The following EGLN2 variants were observed in gnomAD, a reference collection of about 807,000 sequenced individuals.
EGLN2 encodes prolyl hydroxylase EGLN2.
In EGLN2, 15 loss-of-function variants were observed where a neutral mutation model predicts 38.2. That is an observed-to-expected ratio of 0.39 (90% CI 0.26 to 0.60). EGLN2 has a LOEUF of 0.60. EGLN2 is among the 20% of genes least tolerant of loss of function. The probability of loss-of-function intolerance (pLI) is 0.50; values close to 1 mark genes in which losing one functional copy is unlikely to be tolerated. For synonymous variants in EGLN2, 284 were observed against 237.4 expected, an observed-to-expected ratio of 1.20 and a Z score of -1.81; for missense variants, 492 against 570.4, an observed-to-expected ratio of 0.86 and a Z score of 1.40.
intron 3 of EGLN2, 76 bp from the exon 4 acceptor site, chr19:40,807,062 G>A (rs2083308971): frequency 6.3e-7 from 1 of 1,592,764 alleles, no homozygotes; most frequent in Non-Finnish European, 8.6e-7. Context: ...GCGCCTCCTA[G>A]TGGGCTCCCG....
At chr19:40,804,069 T>G (rs909641109) in intron 2 of EGLN2, 32 of 152,436 alleles carry the variant, frequency 2.1e-4, no homozygotes, top group African/African-American at 7.7e-4. Flanking sequence ...AGGTTCCTGT[T>G]TCTGTGTGAG....
Position 40,808,012 on chromosome 19 carries a change from G to A in EGLN2, c.*148G>A, listed in dbSNP as rs533067495. 2.6e-5 allele frequency: 20 copies of A among 760,434 alleles called. No individual in the cohort carries two copies. The highest frequency in any genetic ancestry group is 2.0e-4 in the South Asian group (12 of 58,546). The allele number at this position is 760,434 out of a possible 1,614,324, so 47.1% of individuals were successfully genotyped here. A position where few individuals can be genotyped will look rare whatever the true frequency, so the allele number is the denominator to read the frequency against. ...GTGGAGGGCTCTGTCTGTTGCTGAG[G>A]ACCAAGGAGGAGAAGAGACCTTTGC... On this transcript the variant is annotated 3_prime_UTR_variant, in exon 6 of 6. Transcript: ENST00000303961.
rs146599486 is a variant in EGLN2 at position 40,804,317 on chromosome 19, C to T, written c.844-2238C>T. 1,325 of 152,444 alleles carry T rather than the reference C, an allele frequency of 8.7e-3. 12 individuals carry two copies. Among genetic ancestry groups the T allele is most frequent in the Middle Eastern group, 0.017 (5 of 294 alleles). The allele number at this position is 152,444 out of a possible 1,614,324, so 9.4% of individuals were successfully genotyped here. ...GCTAGGAGTGGAACGGACAATCAGCCGGAGTACTCAAGGTGACCCTTGGTC... is the reference window on the plus strand; with the variant it reads ...GCTAGGAGTGGAACGGACAATCAGCTGGAGTACTCAAGGTGACCCTTGGTC... On this transcript the variant is annotated intron_variant, in intron 2 of 5. Transcript: ENST00000303961.
At chr19:40,803,490 A>G (rs753754956) in intron 2 of EGLN2, among the ~76,000 whole-genome samples, 2 of 151,980 alleles carry the variant, frequency 1.3e-5, no homozygotes, top group Non-Finnish European at 2.9e-5. Flanking sequence ...CCGCTTTTAG[A>G]TGGGCCCCAT....
chr19:40,799,336 G>A (rs1224714506), intron 1 of EGLN2, 74 bp downstream of exon 1: 1 of 137,598 alleles, frequency 7.3e-6, no homozygotes, highest in Non-Finnish European at 1.6e-5. Context: ...CGAACCGGGC[G>A]GGGTGTGGGG....
Position 40,800,508 on chromosome 19 carries a change from G to A in EGLN2, c.-65G>A. The A allele has an allele frequency of 6.7e-7, 1 of 1,487,236 alleles. No individual in the cohort carries two copies. Among genetic ancestry groups the A allele is most frequent in the Non-Finnish European group, 8.9e-7 (1 of 1,121,838 alleles). 92.1% of individuals were successfully genotyped at this position (1,487,236 alleles called of 1,614,324 possible). A position where few individuals can be genotyped will look rare whatever the true frequency, so the allele number is the denominator to read the frequency against. ...TCAAGTGGAGGCGGAGGAGGAGGCG[G>A]AGGAGGGTGGCACCATGGGCCCGGG... On this transcript the variant is annotated 5_prime_UTR_variant, in exon 2 of 6. Coordinates refer to ENST00000303961, the MANE Select transcript of EGLN2 (RefSeq NM_080732.4).
rs139096559 is a variant in EGLN2 at position 40,800,987 on chromosome 19, C to G, written c.415C>G (p.Gln139Glu). ...ACCCAGCAAACGGCCCTGGGCCAGG[C>G]AAGAGAACCAGGAGGCAGAGCGGGA... The part of the protein sequence containing the change: ...PSPSKRPWAR[Q>E]ENQEAEREGG... Residue 139 changes from glutamine (Q) to glutamate (E), a missense_variant, in exon 2 of 6, where the codon CAA becomes GAA. Coordinates refer to ENST00000303961, the MANE Select transcript of EGLN2 (RefSeq NM_080732.4). 1.6e-5 allele frequency: 25 copies of G among 1,612,568 alleles called. No individual in the cohort carries two copies. The African/African-American group carries it at 3.3e-4, about 22-fold the overall frequency.
Position 40,800,883 on chromosome 19 carries a change from G to T in EGLN2, c.311G>T (p.Cys104Phe). ...GCTGCAGCGCTGGTCACCAAGGGGTGCCAGCGATTGGCAGCCCAGGGCGCA... is the reference window on the plus strand; with the variant it reads ...GCTGCAGCGCTGGTCACCAAGGGGTTCCAGCGATTGGCAGCCCAGGGCGCA... ...EGAAALVTKG[C>F]QRLAAQGARP... Residue 104 changes from cysteine to phenylalanine, a missense_variant, in exon 2 of 6, where the codon TGC (cysteine) becomes TTC (phenylalanine). Physicochemically the swap from Cys to Phe is radical, Grantham distance 205. This residue lies in a region of EGLN2 where 378 missense variants were observed against 386.2 expected (regional missense o/e 0.98). Coordinates refer to ENST00000303961, the MANE Select transcript of EGLN2 (RefSeq NM_080732.4). 3 of 1,611,080 alleles carry T rather than the reference G, an allele frequency of 1.9e-6. No homozygotes were observed. The highest frequency in any genetic ancestry group is 1.7e-6 in the Non-Finnish European group (2 of 1,179,096).
In EGLN2 at chr19:40,808,392, G is replaced by A. The variant is rs2083321464; in HGVS notation, c.*528G>A. The A allele has an allele frequency of 1.2e-5, 5 of 400,298 alleles. No individual in the cohort carries two copies. In the East Asian group the frequency reaches 1.8e-4, roughly 14 times the overall value. 24.8% of individuals were successfully genotyped at this position (400,298 alleles called of 1,614,324 possible). ...TGCCAGGAGGAGCATGGGTGTGGAAGTCCTGTCAGCCAAGAAATAAAAGTT... is the reference window on the plus strand; with the variant it reads ...TGCCAGGAGGAGCATGGGTGTGGAAATCCTGTCAGCCAAGAAATAAAAGTT... On this transcript the variant is annotated 3_prime_UTR_variant, in exon 6 of 6. Coordinates refer to ENST00000303961, the MANE Select transcript of EGLN2 (RefSeq NM_080732.4).
intron 2 of EGLN2, 32 bp downstream of exon 2, chr19:40,801,447 C>T: frequency 1.9e-6 from 3 of 1,581,684 alleles, no homozygotes; most frequent in Non-Finnish European, 2.6e-6. Flanking sequence ...TTTGGAGGGG[C>T]TTTGCAGCAC....
Position 40,801,329 on chromosome 19 carries a change from A to T in EGLN2, c.757A>T (p.Ile253Phe). ...VEGHEPGCRSIGALMAHVDAV... is the reference protein window; with the variant it reads ...VEGHEPGCRSFGALMAHVDAV... ...AGGCCATGAACCAGGCTGTCGAAGCATTGGTGCCCTCATGGCCCATGTGGA... is the reference window on the plus strand; with the variant it reads ...AGGCCATGAACCAGGCTGTCGAAGCTTTGGTGCCCTCATGGCCCATGTGGA... The change falls in exon 2 of 6, where the codon ATT (isoleucine) becomes TTT (phenylalanine). Residue 253 changes from isoleucine (I) to phenylalanine (F), a missense_variant. Ile to Phe is a conservative substitution (Grantham distance 21, BLOSUM62 0). This residue lies in a region of EGLN2 where 378 missense variants were observed against 386.2 expected (regional missense o/e 0.98). Coordinates refer to ENST00000303961, the MANE Select transcript of EGLN2 (RefSeq NM_080732.4). 6.2e-7 allele frequency: 1 copy of T among 1,612,656 alleles called. No individual in the cohort carries two copies. Among genetic ancestry groups the T allele is most frequent in the Non-Finnish European group, 8.5e-7 (1 of 1,180,022 alleles).
intron 2 of EGLN2, chr19:40,803,018 C>T (rs893677582): frequency 6.6e-6 from 1 of 152,300 alleles, no homozygotes; most frequent in Admixed American, 6.5e-5. Flanking sequence ...ACTTCCCTCT[C>T]CCTCCCGTTA....
At chr19:40,801,535 A>T in intron 2 of EGLN2, 120 bp downstream of exon 2, 1 of 1,378,474 alleles carries the variant, frequency 7.3e-7, no homozygotes, top group South Asian at 1.4e-5. Flanking sequence ...AGGTTTAGGC[A>T]GTTCAGTGGA....
intron 2 of EGLN2, chr19:40,804,764 G>A (rs2083288702): frequency 1.3e-5 from 2 of 152,230 alleles, no homozygotes; most frequent in African/African-American, 4.8e-5. Context: ...CTTCCATAGG[G>A]AGTGAGCAGT....
intron 3 of EGLN2, 103 bp downstream of exon 3, chr19:40,806,777 C>T (rs2083304845): frequency 3.4e-6 from 5 of 1,468,232 alleles, no homozygotes; most frequent in Admixed American, 2.0e-5. Flanking sequence ...TTCTGGCATT[C>T]TCCTGTTTCT....
intron 2 of EGLN2, among the ~76,000 whole-genome samples, chr19:40,802,962 C>T (rs567946080): frequency 6.6e-5 from 10 of 152,374 alleles, no homozygotes; most frequent in East Asian, 1.9e-4. Flanking sequence ...AGGGCTCCCC[C>T]GGGGCCAAGG....
intron 2 of EGLN2, among the ~76,000 whole-genome samples, chr19:40,803,792 G>A (rs2083281046): frequency 6.6e-6 from 1 of 152,146 alleles, no homozygotes; most frequent in South Asian, 2.1e-4. Context: ...AGAGCAGCTT[G>A]GAGGTGGGAC....
In EGLN2 at chr19:40,801,211, C is replaced by T. The variant is rs200546308; in HGVS notation, c.639C>T (p.Leu213=). 1.9e-5 allele frequency: 31 copies of T among 1,612,648 alleles called. No individual in the cohort carries two copies. In the East Asian group the frequency reaches 5.6e-4, roughly 29 times the overall value. Residue 213 remains leucine (L), a synonymous_variant, in exon 2 of 6, where the codon CTC becomes CTT. Coordinates refer to ENST00000303961, the MANE Select transcript of EGLN2 (RefSeq NM_080732.4). ...GGRVLAEVEA[L]KRGGRLRDGQ... is the part of the protein sequence containing the mutation. The stretch of plus-strand genomic sequence containing the variant: ...GCGTGCTGGCCGAGGTGGAGGCCCT[C>T]AAACGGGGTGGGCGCCTGCGAGACG...
chr19:40,806,921 C>G (rs2083307046), intron 3 of EGLN2: 1 of 937,460 alleles, frequency 1.1e-6, no homozygotes, highest in South Asian at 1.7e-5. Flanking sequence ...CCCACCCGGC[C>G]TTGTAATGAA....
Sources: allele counts gnomAD v4.1 joint callset (sites outside exome capture counted in the v4.1 genomes callset), GRCh38; gene constraint gnomAD v4.1.1; regional missense constraint gnomAD v4.1.1; transcripts MANE v1.5; gene names NCBI Gene and HGNC (gene_info 2026-07-23, HGNC 2026-07-21).